The following TRMT44 variants were observed in gnomAD, a reference collection of about 807,000 sequenced individuals.
The protein encoded by TRMT44 is tRNA methyltransferase 44 homolog.
In TRMT44, 78 loss-of-function variants were observed where a neutral mutation model predicts 77.3. The observed-to-expected ratio is 1.01, with a 90% CI of 0.84 to 1.22. The LOEUF (loss-of-function observed/expected upper bound fraction) is 1.22, where lower values mean the gene tolerates loss of function less well. TRMT44 is among the 50% of genes most tolerant of loss of function. The probability of loss-of-function intolerance (pLI) is 0.00; values close to 1 mark genes in which losing one functional copy is unlikely to be tolerated. For missense variants in TRMT44, 1,090 were observed against 964.4 expected, an observed-to-expected ratio of 1.13 and a Z score of -1.73; for synonymous variants, 391 against 383.3, an observed-to-expected ratio of 1.02 and a Z score of -0.23.
Position 8,452,134 on chromosome 4 carries a change from C to T in TRMT44, c.1023+106C>T. Reference sequence around the variant, plus strand: ...TTCCAAATCCATAACTGCCGGTGCTCACAATTCTGCTGGCCAAGGTTGGTT... The same window carrying T: ...TTCCAAATCCATAACTGCCGGTGCTTACAATTCTGCTGGCCAAGGTTGGTT... On this transcript the variant is annotated intron_variant, in intron 4 of 10. Coordinates refer to ENST00000389737, the MANE Select transcript of TRMT44 (RefSeq NM_152544.3). The surrounding 1 kb of genome is among the most constrained non-coding windows in gnomAD (Gnocchi z 5.7). 2 of 1,018,586 alleles carry T rather than the reference C, an allele frequency of 2.0e-6. No individual in the cohort carries two copies. Among genetic ancestry groups the T allele is most frequent in the Non-Finnish European group, 2.9e-6 (2 of 681,046 alleles). The allele number at this position is 1,018,586 out of a possible 1,614,324, so 63.1% of individuals were successfully genotyped here.
intron 2 of TRMT44, among the ~76,000 whole-genome samples, chr4:8,484,442 T>C (rs958452216): frequency 7.2e-5 from 11 of 151,972 alleles, no homozygotes; most frequent in South Asian, 2.1e-4. Flanking sequence ...GAGTTGAGCA[T>C]AGTTTGTGAT....
rs536909704 is a variant in TRMT44 at position 8,469,480 on chromosome 4, G to C, written c.1927+1134G>C. ...TGTGGTCTGAAAGTTCCCACGTGCA[G>C]TAAACAGTGACAGTTCTTGAGTGCA... On this transcript the variant is annotated intron_variant, in intron 9 of 10. Coordinates refer to ENST00000389737, the MANE Select transcript of TRMT44 (RefSeq NM_152544.3). Among the ~76,000 whole-genome samples the C allele has an allele frequency of 1.6e-4, 25 of 152,364 alleles. No homozygotes were observed. The South Asian group carries it at 3.5e-3, about 21-fold the overall frequency.
chr4:8,449,955 T>TTTCTTTTTTC, intron 3 of TRMT44, 67 bp downstream of exon 3: 2 of 688,136 alleles, frequency 2.9e-6, no homozygotes, highest in South Asian at 5.1e-5. Context: ...TTTTCTTTTT[T>TTTCTTTTTTC]TTTTTTTTTT....
At chr4:8,511,030 C>A in the TRMT44 span, 1 of 152,402 alleles carries the variant, frequency 6.6e-6, no homozygotes, top group African/African-American at 2.4e-5. Flanking sequence ...CGGGAGCATG[C>A]TCCCTGTAAT....
chr4:8,470,412 A>G (rs1287333828), intron 9 of TRMT44, among the ~76,000 whole-genome samples: 1 of 152,258 alleles, frequency 6.6e-6, no homozygotes, highest in Non-Finnish European at 1.5e-5. Context: ...AGCACCTGGC[A>G]GATAGGAAGT....
intron 2 of TRMT44, among the ~76,000 whole-genome samples, chr4:8,491,992 C>G (rs1728022291): frequency 6.6e-6 from 1 of 152,234 alleles, no homozygotes; most frequent in Non-Finnish European, 1.5e-5. Context: ...TCCCACATGG[C>G]GTGGCCACCC....
At chr4:8,475,191 G>C (rs953462283) in intron 10 of TRMT44, among the ~76,000 whole-genome samples, 3 of 152,258 alleles carry the variant, frequency 2.0e-5, no homozygotes, top group African/African-American at 7.2e-5. Flanking sequence ...AGACTGCGTG[G>C]AGGGACCTGC....
rs572923348 is a variant in TRMT44, at chr4:8,444,617, C to T, written c.620-1859C>T. 3.2e-4 allele frequency among the ~76,000 whole-genome samples: 48 copies of T among 152,322 alleles called. No individual in the cohort carries two copies. Among genetic ancestry groups the T allele is most frequent in the African/African-American group, 1.1e-3 (44 of 41,578 alleles). ...TTCACCATGTTGGCCAGACTGGTCT[C>T]CTACTCCTGACCTCACGTGATCCGC... On this transcript the variant is annotated intron_variant, in intron 1 of 10. Coordinates refer to ENST00000389737, the MANE Select transcript of TRMT44 (RefSeq NM_152544.3). This position sits in a 1 kb window ranked among gnomAD's most constrained non-coding sequence, Gnocchi z 4.0.
chr4:8,465,119 C>G (rs1726438268), intron 7 of TRMT44, among the ~76,000 whole-genome samples: 1 of 152,186 alleles, frequency 6.6e-6, no homozygotes, highest in Non-Finnish European at 1.5e-5. Context: ...AGTTACTATG[C>G]TCACTGCTTG....
At chr4:8,462,105 A>G (rs1726192853) in intron 6 of TRMT44, among the ~76,000 whole-genome samples, 1 of 152,250 alleles carries the variant, frequency 6.6e-6, no homozygotes, top group Non-Finnish European at 1.5e-5. Flanking sequence ...GCTGTGTTCA[A>G]AATGCCAGTG....
At chr4:8,475,293 C>T (rs1007282807) in intron 10 of TRMT44, among the ~76,000 whole-genome samples, 7 of 152,318 alleles carry the variant, frequency 4.6e-5, no homozygotes, top group African/African-American at 7.2e-5. Context: ...GCTCTCACAC[C>T]GTGGTCCCTC....
At chr4:8,462,718 C>A (rs143951032) in intron 6 of TRMT44, among the ~76,000 whole-genome samples, 1 of 152,060 alleles carries the variant, frequency 6.6e-6, no homozygotes, top group African/African-American at 2.4e-5. Context: ...ACAACAACAA[C>A]AAAACAAAAC....
intron 2 of TRMT44, among the ~76,000 whole-genome samples, chr4:8,491,139 A>G (rs1178620521): frequency 6.6e-6 from 1 of 151,810 alleles, no homozygotes; most frequent in Non-Finnish European, 1.5e-5. Flanking sequence ...AGCTAGATAC[A>G]GAGTGTCCGA....
At chr4:8,479,040 TC>T (rs1727527060), downstream of TRMT44, 1 of 152,270 alleles carries the variant, frequency 6.6e-6, no homozygotes, top group Non-Finnish European at 1.5e-5. Flanking sequence ...AGGGCAGGCT[TC>T]CTGGAGGAGG....
intron 7 of TRMT44, 86 bp from the exon 8 acceptor site, chr4:8,465,292 G>A: frequency 1.5e-6 from 2 of 1,339,020 alleles, no homozygotes; most frequent in Non-Finnish European, 2.1e-6. Context: ...GCCCTGATAT[G>A]CGATTGCCGT....
chr4:8,470,929 T>G, intron 9 of TRMT44, 155 bp from the exon 10 acceptor site: 2 of 574,078 alleles, frequency 3.5e-6, no homozygotes. Context: ...TTTGGTGCGG[T>G]GTGGTGTGGG....
At chr4:8,447,430 CT>C (rs752476792) in intron 2 of TRMT44, among the ~76,000 whole-genome samples, 2 of 152,178 alleles carry the variant, frequency 1.3e-5, no homozygotes, top group Non-Finnish European at 2.9e-5. Context: ...CCAAGCTGTA[CT>C]TTCCGAAACA....
intron 9 of TRMT44, among the ~76,000 whole-genome samples, chr4:8,468,907 C>T (rs1726791936): frequency 6.6e-6 from 1 of 152,206 alleles, no homozygotes; most frequent in Non-Finnish European, 1.5e-5. Context: ...ACCTCGCCTC[C>T]TTCCGGGCAG....
chr4:8,504,291 C>A, the TRMT44 span, among the ~76,000 whole-genome samples: 1 of 152,174 alleles, frequency 6.6e-6, no homozygotes, highest in Admixed American at 6.5e-5. The surrounding 1 kb of genome is among the most constrained non-coding windows in gnomAD (Gnocchi z 5.3). Flanking sequence ...TGAGCAATGG[C>A]CCCCATTCAC....
Sources: gnomAD v4.1 joint callset for allele counts (sites outside exome capture counted in the v4.1 genomes callset) on GRCh38, gnomAD v4.1.1 for gene constraint, Gnocchi (gnomAD v3.1) non-coding constraint, MANE v1.5 for transcripts, NCBI Gene and HGNC (gene_info 2026-07-23, HGNC 2026-07-21) for gene names.